SGCD: variants seen among roughly 807,000 people sequenced by gnomAD.
SGCD encodes sarcoglycan delta, also known as delta-sarcoglycan.
In SGCD, 18 loss-of-function variants were observed where a neutral mutation model predicts 36.6. That is an observed-to-expected ratio of 0.49 (90% CI 0.34 to 0.73). SGCD has a LOEUF of 0.73. SGCD is among the 30% of genes least tolerant of loss of function. The pLI is 0.01. For synonymous variants in SGCD, 133 were observed against 130.6 expected (o/e 1.02, Z -0.12); for missense variants, 387 against 346.7 (o/e 1.12, Z -0.92).
Position 155,978,755 on chromosome 5 carries a change from C to T in SGCD, c.-282+108331C>T, listed in dbSNP as rs536449432. 4.5e-4 allele frequency among the ~76,000 whole-genome samples: 68 copies of T among 150,874 alleles called. 1 individual carries two copies. The South Asian group carries it at 5.2e-3, about 12-fold the overall frequency. Reference sequence around the variant, plus strand: ...AATATACTCATTTTTGTTATTTTTACGAAAGTAACCTTCAGGAGCAGGGCC... The same window carrying T: ...AATATACTCATTTTTGTTATTTTTATGAAAGTAACCTTCAGGAGCAGGGCC... On this transcript the variant is annotated intron_variant, in intron 1 of 9. Coordinates refer to the SGCD transcript ENST00000517913.
At chr5:156,225,519 T>G (rs992127936) in intron 3 of SGCD, among the ~76,000 whole-genome samples, 2 of 152,102 alleles carry the variant, frequency 1.3e-5, no homozygotes, top group African/African-American at 2.4e-5. Context: ...CACAGAACCA[T>G]GAAATGGCAT....
chr5:156,688,177 T>A (rs909195181), intron 7 of SGCD, among the ~76,000 whole-genome samples: 2 of 152,116 alleles, frequency 1.3e-5, no homozygotes, highest in African/African-American at 4.8e-5. Flanking sequence ...AAGCCTAATA[T>A]CCTTTAGTTA....
intron 6 of SGCD, among the ~76,000 whole-genome samples, chr5:156,612,463 T>A (rs1038763790): frequency 3.9e-5 from 6 of 152,246 alleles, no homozygotes; most frequent in African/African-American, 1.4e-4. Flanking sequence ...ATTTGGCTAC[T>A]ATGGGCTGGT....
intron 3 of SGCD, among the ~76,000 whole-genome samples, chr5:156,125,607 A>G (rs751679961): frequency 1.3e-5 from 2 of 151,970 alleles, no homozygotes; most frequent in African/African-American, 2.4e-5. Context: ...TCTTTTTTTT[A>G]CAAAGTAGAT....
chr5:156,305,685 C>T (rs1326368601), intron 3 of SGCD, among the ~76,000 whole-genome samples: 2 of 152,162 alleles, frequency 1.3e-5, no homozygotes, highest in Non-Finnish European at 1.5e-5. Context: ...ACAGCTTGCA[C>T]CATGGAAAAG....
At chr5:156,611,718 A>G (rs73815171) in intron 6 of SGCD, among the ~76,000 whole-genome samples, 5,493 of 152,268 alleles carry the variant, frequency 0.036, 335 homozygotes, top group African/African-American at 0.13. Flanking sequence ...GTATAATGCA[A>G]ACATTCGTTA....
intron 7 of SGCD, among the ~76,000 whole-genome samples, chr5:156,693,239 G>T (rs1283106049): frequency 6.6e-6 from 1 of 152,158 alleles, no homozygotes; most frequent in East Asian, 1.9e-4. Flanking sequence ...GCTACACAAA[G>T]TTCAGATATG....
chr5:156,386,949 A>G (rs1771307835), intron 3 of SGCD, among the ~76,000 whole-genome samples: 1 of 152,220 alleles, frequency 6.6e-6, no homozygotes, highest in South Asian at 2.1e-4. Flanking sequence ...TGGGGAGAGT[A>G]CACACCAGTT....
chr5:156,092,189 C>G (rs897370501), intron 1 of SGCD, among the ~76,000 whole-genome samples: 10 of 152,202 alleles, frequency 6.6e-5, no homozygotes, highest in African/African-American at 2.2e-4. Context: ...GGATTCAAAT[C>G]TAGCAGAAGC....
chr5:156,374,833 G>T (rs2127742622), intron 3 of SGCD, among the ~76,000 whole-genome samples: 1 of 152,238 alleles, frequency 6.6e-6, no homozygotes, highest in East Asian at 1.9e-4. Flanking sequence ...TCCAGCCGTG[G>T]TGTGAGGCAG....
chr5:156,502,633 T>C (rs1756508950), intron 3 of SGCD, among the ~76,000 whole-genome samples: 1 of 152,216 alleles, frequency 6.6e-6, no homozygotes, highest in Non-Finnish European at 1.5e-5. Flanking sequence ...TCAGTCCTGG[T>C]CCAATTCTCA....
intron 3 of SGCD, among the ~76,000 whole-genome samples, chr5:156,457,012 A>G (rs576645394): frequency 6.6e-6 from 1 of 152,334 alleles, no homozygotes; most frequent in South Asian, 2.1e-4. Context: ...GCCTAAGGAA[A>G]TATTTTTAGT....
intron 3 of SGCD, among the ~76,000 whole-genome samples, chr5:156,165,364 G>A (rs889967892): frequency 6.6e-6 from 1 of 152,090 alleles, no homozygotes; most frequent in African/African-American, 2.4e-5. Context: ...TGAAAAAAAA[G>A]TAAAAAGGTC....
At chr5:156,322,493 T>A (rs1431423154), upstream of SGCD, among the ~76,000 whole-genome samples, 1 of 152,150 alleles carries the variant, frequency 6.6e-6, no homozygotes, top group Non-Finnish European at 1.5e-5. Context: ...TTGACATGAA[T>A]CAGATAAAAA....
chr5:156,043,169 A>T (rs1189105653), intron 1 of SGCD, among the ~76,000 whole-genome samples: 2 of 152,156 alleles, frequency 1.3e-5, no homozygotes, highest in African/African-American at 4.8e-5. Context: ...CTGAACATAG[A>T]GCAGATCAGA....
Position 156,453,235 on chromosome 5 carries a change from G to A in SGCD, c.193-55366G>A, listed in dbSNP as rs569305339. Among the ~76,000 whole-genome samples, 30 of 152,260 alleles carry A rather than the reference G, an allele frequency of 2.0e-4. No homozygotes were observed. The South Asian group carries it at 5.2e-3, about 26-fold the overall frequency. ...TATGACATTTGAAGCACTGTCACATGGAAGAGGAAACAGGATTGACTTGTC... is the reference window on the plus strand; with the variant it reads ...TATGACATTTGAAGCACTGTCACATAGAAGAGGAAACAGGATTGACTTGTC... On this transcript the variant is annotated intron_variant, in intron 3 of 8. Transcript: ENST00000337851.
At chr5:156,447,284 T>A (rs2127801942) in intron 3 of SGCD, among the ~76,000 whole-genome samples, 1 of 152,320 alleles carries the variant, frequency 6.6e-6, no homozygotes, top group East Asian at 1.9e-4. Flanking sequence ...TTCTAATCAG[T>A]GACTATTTTG....
intron 3 of SGCD, among the ~76,000 whole-genome samples, chr5:156,360,989 T>C (rs1561644575): frequency 6.6e-6 from 1 of 151,810 alleles, no homozygotes; most frequent in East Asian, 1.9e-4. Context: ...AAGGGGTCAA[T>C]TGAGCTGCTA....
At chr5:156,673,458 G>C (rs969425634) in intron 7 of SGCD, among the ~76,000 whole-genome samples, 7 of 152,152 alleles carry the variant, frequency 4.6e-5, no homozygotes, top group African/African-American at 1.4e-4. Context: ...AATTCACAGA[G>C]GAAGGCCAAG....
Sources: allele counts gnomAD v4.1 joint callset (sites outside exome capture counted in the v4.1 genomes callset), GRCh38; gene constraint gnomAD v4.1.1; transcripts MANE v1.5; gene names NCBI Gene and HGNC (gene_info 2026-07-23, HGNC 2026-07-21).